TADA2A: variants seen among roughly 807,000 people sequenced by gnomAD.
TADA2A encodes the protein transcriptional adapter 2-alpha.
Under a neutral mutation model 67.4 loss-of-function variants are expected in TADA2A, and 38 were observed. The observed-to-expected ratio is 0.56, with a 90% CI of 0.44 to 0.74. TADA2A has a LOEUF of 0.74. TADA2A is among the 30% of genes least tolerant of loss of function. The pLI is 0.00. For missense variants in TADA2A, 454 were observed against 547.0 expected (o/e 0.83, Z 1.70); for synonymous variants, 192 against 181.6 (o/e 1.06, Z -0.46).
Position 37,465,508 on chromosome 17 carries a change from G to C in TADA2A, c.790G>C (p.Val264Leu). 1 of 1,614,146 alleles carries C rather than the reference G, an allele frequency of 6.2e-7. No individual in the cohort carries two copies. The highest frequency in any genetic ancestry group is 1.1e-5 in the South Asian group (1 of 91,086). The change falls in exon 11 of 16, where the codon GTG (valine) becomes CTG (leucine). Residue 264 changes from valine to leucine, a missense_variant. Physicochemically the swap from Val to Leu is conservative, Grantham distance 32. Coordinates refer to ENST00000615182, the MANE Select transcript of TADA2A (RefSeq NM_001166105.3). ...GCGATTTGCAAGAATTGTGGGGCCA[G>C]TGGAACATGACAAATTCATTGAAAG... ...MRRFARIVGP[V>L]EHDKFIESHA...
At chr17:37,460,660 C>G (rs1007088824) in intron 9 of TADA2A, among the ~76,000 whole-genome samples, 1 of 152,216 alleles carries the variant, frequency 6.6e-6, no homozygotes, top group African/African-American at 2.4e-5. Context: ...GGTTCTTCCT[C>G]TCTTTGCAAC....
At chr17:37,473,369 T>C (rs2053831959) in intron 14 of TADA2A, among the ~76,000 whole-genome samples, 1 of 152,092 alleles carries the variant, frequency 6.6e-6, no homozygotes, top group Non-Finnish European at 1.5e-5. Flanking sequence ...TCTGAGTTCT[T>C]AAGGCAACTA....
chr17:37,437,324 C>G (rs1025772552), intron 4 of TADA2A, among the ~76,000 whole-genome samples: 2 of 151,722 alleles, frequency 1.3e-5, no homozygotes, highest in Admixed American at 6.6e-5. Flanking sequence ...ATCTCCTGAC[C>G]TCGTGATCCG....
Position 37,440,532 on chromosome 17 carries a change from C to T in TADA2A, c.312C>T (p.Thr104=), listed in dbSNP as rs373018253. The T allele has an allele frequency of 6.2e-7, 1 of 1,614,096 alleles. No homozygotes were observed. The highest frequency in any genetic ancestry group is 1.1e-5 in the South Asian group (1 of 91,078). Residue 104 remains threonine (T), a synonymous_variant, in exon 6 of 16, where the codon ACC becomes ACT. Coordinates refer to ENST00000615182, the MANE Select transcript of TADA2A (RefSeq NM_001166105.3). ...AGGATGTAGCCAATCAAATGTGCAC[C>T]AAGACCAAGGAGGAGTGTGAGAAGC... ...NWQDVANQMC[T]KTKEECEKHY...
chr17:37,435,780 A>C (rs926474805), intron 4 of TADA2A, among the ~76,000 whole-genome samples: 9 of 151,986 alleles, frequency 5.9e-5, no homozygotes, highest in Non-Finnish European at 1.0e-4. Flanking sequence ...GGGTTTTGCC[A>C]TCTTGCCCAG....
At chr17:37,473,471 G>A (rs1319410496) in intron 14 of TADA2A, among the ~76,000 whole-genome samples, 3 of 152,040 alleles carry the variant, frequency 2.0e-5, no homozygotes, top group Non-Finnish European at 2.9e-5. Flanking sequence ...TTGAGGATTT[G>A]GAATAATCCC....
chr17:37,424,737 G>A (rs968695884), intron 3 of TADA2A, among the ~76,000 whole-genome samples: 4 of 152,082 alleles, frequency 2.6e-5, no homozygotes, highest in African/African-American at 9.7e-5. Flanking sequence ...TGTATTTTTA[G>A]TATAGACAGG....
At chr17:37,436,816 T>A (rs916706307) in intron 4 of TADA2A, among the ~76,000 whole-genome samples, 5 of 151,594 alleles carry the variant, frequency 3.3e-5, no homozygotes, top group Admixed American at 6.6e-5. Context: ...TTCTTCCATT[T>A]AAAAAAATAC....
intron 2 of TADA2A, among the ~76,000 whole-genome samples, chr17:37,418,071 A>G (rs1429465714): frequency 6.6e-6 from 1 of 152,226 alleles, no homozygotes; most frequent in Non-Finnish European, 1.5e-5. Flanking sequence ...GTTGGTGACT[A>G]AGAAACACCA....
At chr17:37,444,664 T>C in intron 7 of TADA2A, 32 bp from the exon 8 acceptor site, 1 of 1,595,036 alleles carries the variant, frequency 6.3e-7, no homozygotes, top group Non-Finnish European at 8.6e-7. Flanking sequence ...CCGATGGGTT[T>C]GGGGTGGGGA....
At chr17:37,407,281 G>T (rs1384091405) in intron 1 of TADA2A, 1 of 152,524 alleles carries the variant, frequency 6.6e-6, no homozygotes, top group African/African-American at 2.4e-5. Context: ...TGTGCCAGAT[G>T]CCCCTGACCA....
intron 3 of TADA2A, 132 bp from the exon 4 acceptor site, chr17:37,426,818 C>T: frequency 2.7e-6 from 2 of 741,054 alleles, no homozygotes; most frequent in South Asian, 1.8e-5. Context: ...GCACTTCGGC[C>T]TGGGTGACAG....
intron 4 of TADA2A, among the ~76,000 whole-genome samples, chr17:37,428,416 C>T (rs1454703378): frequency 3.3e-5 from 5 of 152,176 alleles, no homozygotes; most frequent in Admixed American, 6.6e-5. Flanking sequence ...GCATGTTCTC[C>T]GTTTCCACAG....
chr17:37,449,267 C>T (rs553222181), intron 8 of TADA2A, among the ~76,000 whole-genome samples: 141 of 152,240 alleles, frequency 9.3e-4, no homozygotes, highest in African/African-American at 3.1e-3. Flanking sequence ...ATGGTCCACC[C>T]GCCTCAGCCT....
At chr17:37,428,033 T>G (rs956769840) in intron 4 of TADA2A, among the ~76,000 whole-genome samples, 2 of 151,982 alleles carry the variant, frequency 1.3e-5, no homozygotes, top group African/African-American at 4.8e-5. Flanking sequence ...AGCATATAAC[T>G]AAATCTCCTA....
At chr17:37,433,767 A>G (rs1181377264) in intron 4 of TADA2A, among the ~76,000 whole-genome samples, 1 of 152,172 alleles carries the variant, frequency 6.6e-6, no homozygotes, top group Non-Finnish European at 1.5e-5. Flanking sequence ...AGCCTGGCCA[A>G]CATGGTGAAA....
intron 2 of TADA2A, among the ~76,000 whole-genome samples, chr17:37,416,831 CTCCAGCCTTCCAGCCT>C (rs2052063728): frequency 6.6e-6 from 1 of 151,840 alleles, no homozygotes; most frequent in East Asian, 1.9e-4. Flanking sequence ...CACCACTACA[CTCCAGCCTTCCAGCCT>C]GCCAGCCTGG....
At chr17:37,452,278 C>T (rs2053255753) in intron 8 of TADA2A, among the ~76,000 whole-genome samples, 1 of 151,826 alleles carries the variant, frequency 6.6e-6, no homozygotes, top group African/African-American at 2.4e-5. Flanking sequence ...TGGCGTGCAC[C>T]TGTAATCCCA....
intron 4 of TADA2A, among the ~76,000 whole-genome samples, chr17:37,432,355 C>T (rs2052595024): frequency 6.6e-6 from 1 of 151,064 alleles, no homozygotes; most frequent in Non-Finnish European, 1.5e-5. Flanking sequence ...TTAGTAGAGA[C>T]GGGGTTTCAC....
Sources: gnomAD v4.1 joint callset for allele counts (sites outside exome capture counted in the v4.1 genomes callset) on GRCh38, gnomAD v4.1.1 for gene constraint, MANE v1.5 for transcripts, NCBI Gene and HGNC (gene_info 2026-07-23, HGNC 2026-07-21) for gene names.